The following PPARGC1A variants were observed in gnomAD, a reference collection of about 807,000 sequenced individuals.
PPARGC1A encodes the protein PPARG coactivator 1 alpha.
PPARGC1A carries 25 observed loss-of-function variants against 88.7 expected under a neutral mutation model. The observed-to-expected ratio is 0.28, with a 90% CI of 0.21 to 0.39. The LOEUF is 0.39. Among genes scored for constraint, PPARGC1A ranks in the 10% least tolerant of loss-of-function variants. The pLI is 1.00. For missense variants in PPARGC1A, 880 were observed against 968.7 expected, an observed-to-expected ratio of 0.91 and a Z score of 1.22; for synonymous variants, 363 against 355.6, an observed-to-expected ratio of 1.02 and a Z score of -0.24.
chr4:24,283,009 C>G, the PPARGC1A span, among the ~76,000 whole-genome samples: 1 of 152,138 alleles, frequency 6.6e-6, no homozygotes, highest in Non-Finnish European at 1.5e-5. Context: ...TTCAATAATA[C>G]GGCAGTTACT....
At chr4:24,344,956 T>G in the PPARGC1A span, among the ~76,000 whole-genome samples, 1 of 152,226 alleles carries the variant, frequency 6.6e-6, no homozygotes, top group Non-Finnish European at 1.5e-5. Flanking sequence ...GGATCCAGTT[T>G]CATTCTCCTA....
chr4:24,002,068 T>TCACACACACACACA, the PPARGC1A span, among the ~76,000 whole-genome samples: 18 of 123,032 alleles, frequency 1.5e-4, no homozygotes, highest in South Asian at 1.2e-3. Context: ...GATGATAAAT[T>TCACACACACACACA]CACACACACA....
At chr4:23,874,060 C>G (rs1436304149) in intron 2 of PPARGC1A, among the ~76,000 whole-genome samples, 1 of 151,446 alleles carries the variant, frequency 6.6e-6, no homozygotes, top group Non-Finnish European at 1.5e-5. Flanking sequence ...TTCTGTGAAC[C>G]TCTCAACAAT....
chr4:24,081,472 A>G, the PPARGC1A span, among the ~76,000 whole-genome samples: 1 of 152,178 alleles, frequency 6.6e-6, no homozygotes, highest in Non-Finnish European at 1.5e-5. Flanking sequence ...TCCCAGGCTT[A>G]CTGGCTATGT....
intron 7 of PPARGC1A, among the ~76,000 whole-genome samples, chr4:23,818,105 C>T (rs59311049): frequency 0.015 from 2,263 of 152,264 alleles, 47 homozygotes; most frequent in African/African-American, 0.051. Context: ...CGATTTCATG[C>T]CACAAGCCCA....
chr4:24,026,440 C>A, the PPARGC1A span, among the ~76,000 whole-genome samples: 1 of 152,188 alleles, frequency 6.6e-6, no homozygotes. Flanking sequence ...GTCTCATCTT[C>A]AGCTTCCTTT....
At chr4:24,305,831 G>A in the PPARGC1A span, among the ~76,000 whole-genome samples, 1 of 152,040 alleles carries the variant, frequency 6.6e-6, no homozygotes, top group African/African-American at 2.4e-5. Flanking sequence ...TTTAAAAAGA[G>A]GGTGGCCATT....
the PPARGC1A span, among the ~76,000 whole-genome samples, chr4:24,311,875 A>G: frequency 6.6e-6 from 1 of 152,202 alleles, no homozygotes; most frequent in Non-Finnish European, 1.5e-5. Context: ...AGTTGCAGAT[A>G]TCAGGATGAA....
chr4:23,962,969 T>C, the PPARGC1A span, among the ~76,000 whole-genome samples: 56 of 152,290 alleles, frequency 3.7e-4, no homozygotes, highest in Middle Eastern at 3.4e-3. Flanking sequence ...AGCATGCTCA[T>C]GAGCGGGGGA....
the PPARGC1A span, among the ~76,000 whole-genome samples, chr4:24,004,166 A>G: frequency 6.6e-6 from 1 of 152,192 alleles, no homozygotes; most frequent in African/African-American, 2.4e-5. Context: ...GCTATAGCAG[A>G]TTAAGAAAGC....
At chr4:24,370,514 A>G in the PPARGC1A span, among the ~76,000 whole-genome samples, 1 of 152,168 alleles carries the variant, frequency 6.6e-6, no homozygotes, top group African/African-American at 2.4e-5. Flanking sequence ...ATTAAGTTGG[A>G]GTCCCATTCT....
the PPARGC1A span, among the ~76,000 whole-genome samples, chr4:24,279,258 G>A: frequency 6.6e-6 from 1 of 152,144 alleles, no homozygotes; most frequent in Non-Finnish European, 1.5e-5. Flanking sequence ...CAAATATGTG[G>A]TGCAGATAAA....
the PPARGC1A span, among the ~76,000 whole-genome samples, chr4:24,326,572 G>A: frequency 2.6e-5 from 4 of 151,848 alleles, no homozygotes; most frequent in Admixed American, 6.5e-5. Context: ...CTGCACTGCC[G>A]CAAGGCTTCA....
the PPARGC1A span, among the ~76,000 whole-genome samples, chr4:23,913,765 T>G: frequency 2.0e-5 from 3 of 152,112 alleles, no homozygotes; most frequent in African/African-American, 4.8e-5. Context: ...ATTTTTTTTT[T>G]CTTATTACTT....
chr4:24,376,708 T>C, the PPARGC1A span, among the ~76,000 whole-genome samples: 1 of 152,222 alleles, frequency 6.6e-6, no homozygotes, highest in Non-Finnish European at 1.5e-5. Context: ...TACTTATTCA[T>C]TACCTTCATT....
the PPARGC1A span, among the ~76,000 whole-genome samples, chr4:23,934,046 T>G: frequency 6.6e-6 from 1 of 152,160 alleles, no homozygotes; most frequent in African/African-American, 2.4e-5. Context: ...CCCAAAGTTA[T>G]TAGAATCCCT....
At chr4:24,025,825 A>T in the PPARGC1A span, among the ~76,000 whole-genome samples, 1 of 152,182 alleles carries the variant, frequency 6.6e-6, no homozygotes, top group Non-Finnish European at 1.5e-5. Context: ...TGATGTATAA[A>T]AATCATCATC....
chr4:23,975,296 G>T, the PPARGC1A span, among the ~76,000 whole-genome samples: 31 of 152,098 alleles, frequency 2.0e-4, no homozygotes, highest in African/African-American at 7.5e-4. Context: ...AGTTTGTTGG[G>T]TGGCATTTCT....
the PPARGC1A span, among the ~76,000 whole-genome samples, chr4:24,183,339 TCAC>T: frequency 6.6e-6 from 1 of 152,136 alleles, no homozygotes; most frequent in South Asian, 2.1e-4. Context: ...TTACCCACAA[TCAC>T]TCTAGTTACA....
Sources: allele counts gnomAD v4.1 joint callset (sites outside exome capture counted in the v4.1 genomes callset), GRCh38; gene constraint gnomAD v4.1.1; transcripts MANE v1.5; gene names NCBI Gene and HGNC (gene_info 2026-07-23, HGNC 2026-07-21).